Variants in COL11A2 observed in about 807,000 individuals in gnomAD.
The protein encoded by COL11A2 is collagen alpha-2(XI) chain.
In COL11A2, 116 loss-of-function variants were observed where a neutral mutation model predicts 273.4. That is an observed-to-expected ratio of 0.42 (90% CI 0.36 to 0.49). The LOEUF (loss-of-function observed/expected upper bound fraction) is 0.49. Among genes scored for constraint, COL11A2 ranks in the 20% least tolerant of loss-of-function variants. COL11A2 has a pLI of 0.00. For synonymous variants in COL11A2, 782 were observed against 864.2 expected (o/e 0.90, Z 1.67); for missense variants, 1,866 against 2,309.0 (o/e 0.81, Z 3.93).
rs1188802518 is a variant in COL11A2, at chr6:33,173,359, T to C, written c.2725A>G (p.Arg909Gly). Residue 909 changes from arginine to glycine, a missense_variant, in exon 37 of 66, where the codon AGA becomes GGA. Arg to Gly is a moderately radical substitution (Grantham distance 125, BLOSUM62 -2). Coordinates refer to ENST00000341947, the MANE Select transcript of COL11A2 (RefSeq NM_080680.3). This position sits in a 1 kb window ranked among gnomAD's most constrained non-coding sequence, Gnocchi z 6.3. ...KDGLPGHPGQ[R>G]GEVGFQGKTG... Reference sequence around the variant, plus strand: ...GGAGCATCACTCACCACTTCTCCTCTTTGGCCTGGGTGTCCCGGCAGCCCA... The same window carrying C: ...GGAGCATCACTCACCACTTCTCCTCCTTGGCCTGGGTGTCCCGGCAGCCCA... The C allele has an allele frequency of 6.2e-7, 1 of 1,612,220 alleles. No homozygotes were observed. The highest frequency in any genetic ancestry group is 2.2e-5 in the East Asian group (1 of 44,834).
chr6:33,186,846 G>A (rs748998692), intron 4 of COL11A2, 28 bp from the exon 5 acceptor site: 1 of 1,612,970 alleles, frequency 6.2e-7, no homozygotes, highest in Non-Finnish European at 8.5e-7. Context: ...AGATGGAGCG[G>A]AGAGATTCAG....
chr6:33,174,090 G>C, intron 32 of COL11A2, 35 bp from the exon 33 acceptor site: 2 of 1,613,080 alleles, frequency 1.2e-6, no homozygotes. Context: ...CATTACCCAG[G>C]GTGAGACTCC....
chr6:33,185,857 T>C (rs555992416), intron 5 of COL11A2, 79 bp from the exon 6 acceptor site: 2 of 486,088 alleles, frequency 4.1e-6, no homozygotes, highest in Non-Finnish European at 8.3e-6. Flanking sequence ...GAGAGGGAGA[T>C]ATAAAGATGG....
Position 33,179,896 on chromosome 6 carries a change from GC to G in COL11A2, c.1360-92del. 2 of 1,243,612 alleles carry G rather than the reference GC, an allele frequency of 1.6e-6. No individual in the cohort carries two copies. The highest frequency in any genetic ancestry group is 1.2e-5 in the South Asian group (1 of 83,082). The allele number at this position is 1,243,612 out of a possible 1,614,324, so 77.0% of individuals were successfully genotyped here. ...GCTTTCTCCAGCGTTTCTGCCCCTT[GC>G]CCCAGGTTCTGCCCATCCAGCATTT... On this transcript the variant is annotated intron_variant, in intron 12 of 65. Transcript: ENST00000341947. This position sits in a 1 kb window ranked among gnomAD's most constrained non-coding sequence, Gnocchi z 6.4.
At position 33,177,579 on chromosome 6, in the gene COL11A2, G is replaced by A; in HGVS notation, c.1917+83C>T. 1 of 1,591,358 alleles carries A rather than the reference G, an allele frequency of 6.3e-7. No homozygotes were observed. The highest frequency in any genetic ancestry group is 8.6e-7 in the Non-Finnish European group (1 of 1,161,254). On this transcript the variant is annotated intron_variant, in intron 22 of 65. Transcript: ENST00000341947. The surrounding 1 kb of genome is among the most constrained non-coding windows in gnomAD (Gnocchi z 5.9). ...AGAAGGCAAGAGCAGGAAGCAGGCA[G>A]GGGTCAAAATGGCGGCCAACAGGAT... is the stretch of plus-strand genomic sequence containing the variant.
rs1436215183 is a variant in COL11A2 at position 33,170,675 on chromosome 6, T to C, written c.3475-65A>G. The C allele has an allele frequency of 2.5e-6, 4 of 1,601,582 alleles. No individual in the cohort carries two copies. The highest frequency in any genetic ancestry group is 3.4e-6 in the Non-Finnish European group (4 of 1,170,114). ...CACCCAAAGCACAGCCCTAGGCAGA[T>C]AGGCCCCACAGTCCCCTCCCCTCAG... On this transcript the variant is annotated intron_variant, in intron 46 of 65. Transcript: ENST00000341947. This position sits in a 1 kb window ranked among gnomAD's most constrained non-coding sequence, Gnocchi z 4.3.
Position 33,166,194 on chromosome 6 carries a change from G to A in COL11A2, c.4405C>T (p.Pro1469Ser), listed in dbSNP as rs755651027. The change falls in exon 61 of 66, where the codon CCC (proline) becomes TCC (serine). Residue 1469 changes from proline to serine, a missense_variant. Physicochemically the swap from Pro to Ser is moderately conservative, Grantham distance 74. Coordinates refer to ENST00000341947, the MANE Select transcript of COL11A2 (RefSeq NM_080680.3). The surrounding 1 kb of genome is among the most constrained non-coding windows in gnomAD (Gnocchi z 4.8). Reference sequence around the variant, plus strand: ...ACTGTGGCTCCTTTGGCTCCTTTGGGGCCAGCAGGTCCCTGTGAAATGAGG... The same window carrying A: ...ACTGTGGCTCCTTTGGCTCCTTTGGAGCCAGCAGGTCCCTGTGAAATGAGG... ...GPPGLPGPAG[P>S]KGAKGATGPG... 1.9e-6 allele frequency: 3 copies of A among 1,603,302 alleles called. No homozygotes were observed. The highest frequency in any genetic ancestry group is 2.3e-5 in the South Asian group (2 of 88,878).
Position 33,178,828 on chromosome 6 carries a change from G to A in COL11A2, c.1665+92C>T. 3 of 1,608,060 alleles carry A rather than the reference G, an allele frequency of 1.9e-6. No individual in the cohort carries two copies. The highest frequency in any genetic ancestry group is 2.6e-6 in the Non-Finnish European group (3 of 1,175,758). ...GAGCTGGGGGGGTGCTGATCCTGGG[G>A]AAGCCTGGAGAACTAGGTCATCCCC... On this transcript the variant is annotated intron_variant, in intron 17 of 65. Coordinates refer to ENST00000341947, the MANE Select transcript of COL11A2 (RefSeq NM_080680.3). This position sits in a 1 kb window ranked among gnomAD's most constrained non-coding sequence, Gnocchi z 4.6.
chr6:33,165,531 CCT>C lies in COL11A2; in HGVS notation c.4750+16_4750+17del, dbSNP rs754110017. ...TGCTGTTGGGGAGATGTTTGTGCAC[CCT>C]GAGGCTAGCACTGACCATCGGGAAG... is the stretch of plus-strand genomic sequence containing the variant. On this transcript the variant is annotated intron_variant, in intron 63 of 65. Transcript: ENST00000341947. This position sits in a 1 kb window ranked among gnomAD's most constrained non-coding sequence, Gnocchi z 7.7. 56 of 1,610,768 alleles carry C rather than the reference CCT, an allele frequency of 3.5e-5. 2 individuals carry two copies. The South Asian group carries it at 4.7e-4, about 14-fold the overall frequency.
chr6:33,164,511 G>C lies in COL11A2; in HGVS notation c.4864-38C>G. ...AGAGGGCTGGCCTCAGAGGGGGAGAGAGAGGGCTGGCCTCAGAGGGAGACA... is the reference window on the plus strand; with the variant it reads ...AGAGGGCTGGCCTCAGAGGGGGAGACAGAGGGCTGGCCTCAGAGGGAGACA... On this transcript the variant is annotated intron_variant, in intron 64 of 65. Coordinates refer to ENST00000341947, the MANE Select transcript of COL11A2 (RefSeq NM_080680.3). The surrounding 1 kb of genome is among the most constrained non-coding windows in gnomAD (Gnocchi z 4.7). 1.3e-6 allele frequency: 2 copies of C among 1,481,584 alleles called. No individual in the cohort carries two copies. Among genetic ancestry groups the C allele is most frequent in the Non-Finnish European group, 1.8e-6 (2 of 1,103,224 alleles). 91.8% of individuals were successfully genotyped at this position (1,481,584 alleles called of 1,614,324 possible).
Position 33,177,718 on chromosome 6 carries a change from G to A in COL11A2, c.1873-12C>T, listed in dbSNP as rs1261396809. On this transcript the variant is annotated splice_polypyrimidine_tract_variant and intron_variant, in intron 21 of 65. Coordinates refer to ENST00000341947, the MANE Select transcript of COL11A2 (RefSeq NM_080680.3). The surrounding 1 kb of genome is among the most constrained non-coding windows in gnomAD (Gnocchi z 5.9). Reference sequence around the variant, plus strand: ...ATGCCTCGGACGCCCTGAAACACAAGATGGGTGTGAGCAGCCTGAAGGTGG... The same window carrying A: ...ATGCCTCGGACGCCCTGAAACACAAAATGGGTGTGAGCAGCCTGAAGGTGG... The A allele has an allele frequency of 3.1e-6, 5 of 1,612,878 alleles. No individual in the cohort carries two copies. Among genetic ancestry groups the A allele is most frequent in the African/African-American group, 2.7e-5 (2 of 74,912 alleles).
chr6:33,192,186 C>G lies in COL11A2; in HGVS notation c.55G>C (p.Gly19Arg), dbSNP rs1773202958. The change falls in exon 1 of 66, where the codon GGG becomes CGG. Residue 19 changes from glycine (G) to arginine (R), a missense_variant. Physicochemically the swap from Gly to Arg is moderately radical, Grantham distance 125. Coordinates refer to ENST00000341947, the MANE Select transcript of COL11A2 (RefSeq NM_080680.3). ...GCCCAGCCTGGGGCCGCGCTCAGCC[C>G]CAGCACCAGAGGTAGGAGGAGGAGG... is the stretch of plus-strand genomic sequence containing the variant. ...RLLLLLPLVL[G>R]LSAAPGWAGA... 6.4e-7 allele frequency: 1 copy of G among 1,565,826 alleles called. No homozygotes were observed.
At position 33,167,985 on chromosome 6, in the gene COL11A2, C is replaced by T; in HGVS notation, c.3961-133G>A. The T allele has an allele frequency of 4.4e-6, 4 of 906,828 alleles. No homozygotes were observed. Among genetic ancestry groups the T allele is most frequent in the Middle Eastern group, 2.1e-4 (1 of 4,750 alleles). The allele number at this position is 906,828 out of a possible 1,614,324, so 56.2% of individuals were successfully genotyped here. A position where few individuals can be genotyped will look rare whatever the true frequency, so the allele number is the denominator to read the frequency against. ...CATACACAGGGACACGCGCCGAGGG[C>T]CGATTCACAGATGTGCAGAACAGAT... On this transcript the variant is annotated intron_variant, in intron 54 of 65. Coordinates refer to ENST00000341947, the MANE Select transcript of COL11A2 (RefSeq NM_080680.3). This position sits in a 1 kb window ranked among gnomAD's most constrained non-coding sequence, Gnocchi z 6.1.
chr6:33,165,592 G>A lies in COL11A2; in HGVS notation c.4707C>T (p.Arg1569=). 6.2e-7 allele frequency: 1 copy of A among 1,613,482 alleles called. No individual in the cohort carries two copies. Among genetic ancestry groups the A allele is most frequent in the Non-Finnish European group, 8.5e-7 (1 of 1,180,012 alleles). ...RPTGTQDSPA[R]TCQDLKLCHP... ...GGCACAGCTTCAGGTCCTGGCAGGTGCGAGCAGGGCTGTCCTGGGTCCCTG... is the reference window on the plus strand; with the variant it reads ...GGCACAGCTTCAGGTCCTGGCAGGTACGAGCAGGGCTGTCCTGGGTCCCTG... The change falls in exon 63 of 66, where the codon CGC becomes CGT. Residue 1569 remains arginine (R), a synonymous_variant. Coordinates refer to ENST00000341947, the MANE Select transcript of COL11A2 (RefSeq NM_080680.3). This position sits in a 1 kb window ranked among gnomAD's most constrained non-coding sequence, Gnocchi z 7.7.
rs1771017856 is a variant in COL11A2 at position 33,177,136 on chromosome 6, T to C, written c.2016+45A>G. 1 of 1,612,678 alleles carries C rather than the reference T, an allele frequency of 6.2e-7. No individual in the cohort carries two copies. Among genetic ancestry groups the C allele is most frequent in the Non-Finnish European group, 8.5e-7 (1 of 1,179,794 alleles). On this transcript the variant is annotated intron_variant, in intron 24 of 65. Coordinates refer to ENST00000341947, the MANE Select transcript of COL11A2 (RefSeq NM_080680.3). This position sits in a 1 kb window ranked among gnomAD's most constrained non-coding sequence, Gnocchi z 5.9. Reference sequence around the variant, plus strand: ...GCAGACATTTAGGGTTCTCCCTACATCCCCACTCTAAACCCCCTGTCCTCC... The same window carrying C: ...GCAGACATTTAGGGTTCTCCCTACACCCCCACTCTAAACCCCCTGTCCTCC...
rs2150577650 is a variant in COL11A2 at position 33,178,746 on chromosome 6, G to A, written c.1666-14C>T. On this transcript the variant is annotated splice_polypyrimidine_tract_variant and intron_variant, in intron 17 of 65. Coordinates refer to ENST00000341947, the MANE Select transcript of COL11A2 (RefSeq NM_080680.3). The surrounding 1 kb of genome is among the most constrained non-coding windows in gnomAD (Gnocchi z 4.6). ...ACCTCGGTCACCCTAGGAGGAGGAA[G>A]GATAGCCAGAGTGAGGACACGACCC... The A allele has an allele frequency of 6.2e-7, 1 of 1,612,724 alleles. No individual in the cohort carries two copies. The highest frequency in any genetic ancestry group is 1.1e-5 in the South Asian group (1 of 91,078).
In COL11A2 at chr6:33,172,286, C is replaced by T; in HGVS notation, c.2988+3G>A. 1 of 1,584,780 alleles carries T rather than the reference C, an allele frequency of 6.3e-7. No homozygotes were observed. Among genetic ancestry groups the T allele is most frequent in the Non-Finnish European group, 8.6e-7 (1 of 1,166,050 alleles). On this transcript the variant is annotated splice_donor_region_variant and intron_variant, in intron 40 of 65. Coordinates refer to ENST00000341947, the MANE Select transcript of COL11A2 (RefSeq NM_080680.3). ...CAGGCAGGGGTCTGGGAGTCACACT[C>T]ACAGCAGTGCCTGGGAGGCCTCTCT...
In COL11A2 at chr6:33,172,779, C is replaced by T. The variant is rs1013182917; in HGVS notation, c.2791-142G>A. On this transcript the variant is annotated intron_variant, in intron 38 of 65. Transcript: ENST00000341947. ...AGCTCCTGGGAAATTCCCCGGCATT[C>T]CTGGGCCACTGCTGGGTTTTCTCCT... is the stretch of plus-strand genomic sequence containing the variant. 2.1e-5 allele frequency: 17 copies of T among 827,578 alleles called. No individual in the cohort carries two copies. The African/African-American group carries it at 2.2e-4, about 11-fold the overall frequency. The allele number at this position is 827,578 out of a possible 1,614,324, so 51.3% of individuals were successfully genotyped here.
chr6:33,179,371 A>G lies in COL11A2; in HGVS notation c.1503+60T>C, dbSNP rs767405105. 43 of 1,569,868 alleles carry G rather than the reference A, an allele frequency of 2.7e-5. No individual in the cohort carries two copies. The highest frequency in any genetic ancestry group is 3.4e-5 in the Non-Finnish European group (39 of 1,157,606). ...TTCCCCAAAAGAAGCCCCTTTCCAGAACTATCCACACCCCACACACAATTA... is the reference window on the plus strand; with the variant it reads ...TTCCCCAAAAGAAGCCCCTTTCCAGGACTATCCACACCCCACACACAATTA... On this transcript the variant is annotated intron_variant, in intron 14 of 65. Transcript: ENST00000341947. The surrounding 1 kb of genome is among the most constrained non-coding windows in gnomAD (Gnocchi z 6.4).
Sources: allele counts gnomAD v4.1 joint callset, GRCh38; gene constraint gnomAD v4.1.1; non-coding constraint Gnocchi (gnomAD v3.1); transcripts MANE v1.5; gene names NCBI Gene and HGNC (gene_info 2026-07-23, HGNC 2026-07-21).